ZRANB3: variants seen among roughly 807,000 people sequenced by gnomAD.
ZRANB3 encodes the protein zinc finger RANBP2-type containing 3.
Under a neutral mutation model 133.8 loss-of-function variants are expected in ZRANB3, and 125 were observed. The observed-to-expected ratio is 0.93, with a 90% CI of 0.81 to 1.08. The LOEUF is 1.08. Ranked by LOEUF, ZRANB3 falls within the 50% of genes least tolerant of loss-of-function variation. The pLI is 0.00. For missense variants in ZRANB3, 1,229 were observed against 1,275.5 expected, an observed-to-expected ratio of 0.96 and a Z score of 0.56; for synonymous variants, 387 against 432.7, an observed-to-expected ratio of 0.89 and a Z score of 1.31.
At chr2:135,488,450 A>G (rs1399700406) in intron 2 of ZRANB3, among the ~76,000 whole-genome samples, 1 of 152,064 alleles carries the variant, frequency 6.6e-6, no homozygotes, top group Non-Finnish European at 1.5e-5. Context: ...ACAATAAAGC[A>G]AATTATAATA....
chr2:135,202,678 A>C (rs1290598967), intron 20 of ZRANB3, 154 bp downstream of exon 20: 3 of 865,948 alleles, frequency 3.5e-6, no homozygotes, highest in Admixed American at 3.1e-5. Context: ...GGGCCTTGAG[A>C]GGAAAGGCAA....
At chr2:135,436,709 A>G (rs532802064) in intron 2 of ZRANB3, among the ~76,000 whole-genome samples, 3 of 152,180 alleles carry the variant, frequency 2.0e-5, no homozygotes, top group Non-Finnish European at 4.4e-5. Context: ...TACAGGTTCA[A>G]TGTTATTCCT....
intron 6 of ZRANB3, among the ~76,000 whole-genome samples, chr2:135,325,875 A>C (rs930452836): frequency 2.6e-5 from 4 of 152,244 alleles, no homozygotes; most frequent in African/African-American, 9.6e-5. Context: ...AAATATTAGA[A>C]GTTTCTAGAT....
intron 2 of ZRANB3, among the ~76,000 whole-genome samples, chr2:135,405,696 T>G (rs11894203): frequency 0.18 from 28,047 of 152,136 alleles, 3,396 homozygotes; most frequent in South Asian, 0.33. Flanking sequence ...ACATGGAAAC[T>G]GAACAACCTG....
chr2:135,488,478 T>TAATCA (rs1692221554), intron 2 of ZRANB3, among the ~76,000 whole-genome samples: 1 of 151,794 alleles, frequency 6.6e-6, no homozygotes, highest in Admixed American at 6.6e-5. Flanking sequence ...GTATGCTATA[T>TAATCA]AATCAAATAT....
intron 2 of ZRANB3, among the ~76,000 whole-genome samples, chr2:135,403,840 A>G (rs1161678751): frequency 6.6e-6 from 1 of 152,242 alleles, no homozygotes; most frequent in African/African-American, 2.4e-5. Flanking sequence ...CCAGGCAAAC[A>G]GGGCCTGGAG....
intron 2 of ZRANB3, among the ~76,000 whole-genome samples, chr2:135,409,025 G>A (rs916182674): frequency 1.3e-5 from 2 of 152,026 alleles, no homozygotes; most frequent in Non-Finnish European, 2.9e-5. Flanking sequence ...AAGAAAAGCA[G>A]TTTAGTTGGC....
chr2:135,408,849 T>A (rs1688170567), intron 2 of ZRANB3, among the ~76,000 whole-genome samples: 1 of 151,902 alleles, frequency 6.6e-6, no homozygotes, highest in African/African-American at 2.4e-5. Context: ...GGGGGAGGGA[T>A]AGCATTTGGA....
At chr2:135,248,214 T>A (rs1351215072) in intron 12 of ZRANB3, among the ~76,000 whole-genome samples, 1 of 152,230 alleles carries the variant, frequency 6.6e-6, no homozygotes, top group Non-Finnish European at 1.5e-5. Flanking sequence ...TTCCCATATC[T>A]GCTCATTGGG....
intron 8 of ZRANB3, among the ~76,000 whole-genome samples, chr2:135,310,861 A>T (rs956123143): frequency 2.6e-5 from 4 of 152,186 alleles, no homozygotes; most frequent in South Asian, 4.1e-4. Flanking sequence ...ATTAAGTAGC[A>T]CATGACTGAT....
intron 2 of ZRANB3, among the ~76,000 whole-genome samples, chr2:135,432,124 C>T (rs556854914): frequency 6.6e-6 from 1 of 152,024 alleles, no homozygotes; most frequent in East Asian, 1.9e-4. Flanking sequence ...GTGGTGCATG[C>T]CTGTAATCCC....
chr2:135,479,516 C>T (rs1284121267), intron 2 of ZRANB3, among the ~76,000 whole-genome samples: 1 of 151,858 alleles, frequency 6.6e-6, no homozygotes, highest in Non-Finnish European at 1.5e-5. Context: ...GTGCCTGTAA[C>T]CCCAGCTACT....
chr2:135,421,239 T>C (rs1688829995), intron 2 of ZRANB3, among the ~76,000 whole-genome samples: 2 of 152,208 alleles, frequency 1.3e-5, no homozygotes, highest in South Asian at 2.1e-4. Flanking sequence ...TCTGATAGAA[T>C]TGTGTAGCTG....
chr2:135,415,865 T>C (rs1294359808), intron 2 of ZRANB3, among the ~76,000 whole-genome samples: 1 of 152,176 alleles, frequency 6.6e-6, no homozygotes, highest in African/African-American at 2.4e-5. Context: ...ACCACATGAT[T>C]ATCTTAATAG....
At chr2:135,390,495 A>G (rs1687174496) in intron 3 of ZRANB3, among the ~76,000 whole-genome samples, 1 of 152,212 alleles carries the variant, frequency 6.6e-6, no homozygotes, top group Non-Finnish European at 1.5e-5. Flanking sequence ...AAGTACTATT[A>G]TAACAGAAAA....
At chr2:135,497,538 C>T (rs1692730929) in intron 2 of ZRANB3, among the ~76,000 whole-genome samples, 1 of 152,160 alleles carries the variant, frequency 6.6e-6, no homozygotes, top group East Asian at 1.9e-4. Flanking sequence ...TTCAAGTACT[C>T]AATAGCCATC....
intron 2 of ZRANB3, among the ~76,000 whole-genome samples, chr2:135,412,983 T>C (rs1048466520): frequency 1.3e-5 from 2 of 152,186 alleles, no homozygotes; most frequent in African/African-American, 4.8e-5. Context: ...TATTACAAGC[T>C]TTCATGTCTT....
intron 15 of ZRANB3, among the ~76,000 whole-genome samples, chr2:135,222,137 G>T (rs1694579287): frequency 6.6e-6 from 1 of 152,036 alleles, no homozygotes; most frequent in Non-Finnish European, 1.5e-5. Context: ...GGGCGTGGTG[G>T]CTCACGTTTG....
intron 12 of ZRANB3, among the ~76,000 whole-genome samples, chr2:135,232,298 C>T (rs1042301789): frequency 2.6e-5 from 4 of 152,178 alleles, no homozygotes; most frequent in Admixed American, 2.6e-4. Flanking sequence ...CCTGGAAGCT[C>T]GAACTGGGTG....
Sources: allele counts gnomAD v4.1 joint callset (sites outside exome capture counted in the v4.1 genomes callset), GRCh38; gene constraint gnomAD v4.1.1; transcripts MANE v1.5; gene names NCBI Gene and HGNC (gene_info 2026-07-23, HGNC 2026-07-21).